The following ITGBL1 variants were observed in gnomAD, a reference collection of about 807,000 sequenced individuals.
ITGBL1 encodes integrin subunit beta like 1, also known as integrin beta-like protein 1.
ITGBL1 carries 51 observed loss-of-function variants against 68.5 expected under a neutral mutation model. That is an observed-to-expected ratio of 0.74 (90% CI 0.59 to 0.94). The LOEUF is 0.94. ITGBL1 is among the 40% of genes least tolerant of loss of function. The probability of loss-of-function intolerance (pLI) is 0.00; values close to 1 mark genes in which losing one functional copy is unlikely to be tolerated. For missense variants in ITGBL1, 649 were observed against 647.4 expected (o/e 1.00, Z -0.03); for synonymous variants, 209 against 227.3 (o/e 0.92, Z 0.72).
chr13:101,583,130 A>G, intron 5 of ITGBL1, 86 bp from the exon 6 acceptor site: 1 of 1,364,506 alleles, frequency 7.3e-7, no homozygotes, highest in South Asian at 1.2e-5. Context: ...ACACAAAGTA[A>G]ACAGAAAATA....
At chr13:101,461,243 A>G (rs2048313592) in intron 2 of ITGBL1, among the ~76,000 whole-genome samples, 1 of 152,194 alleles carries the variant, frequency 6.6e-6, no homozygotes, top group South Asian at 2.1e-4. Flanking sequence ...CAGAGTCTTC[A>G]ATATATTTTG....
intron 7 of ITGBL1, among the ~76,000 whole-genome samples, chr13:101,615,897 G>C (rs1480195252): frequency 2.0e-5 from 3 of 152,198 alleles, no homozygotes; most frequent in Admixed American, 6.5e-5. Flanking sequence ...CCATCTATGT[G>C]TAGGAAGCAG....
chr13:101,664,756 T>A (rs2033172877), intron 7 of ITGBL1, among the ~76,000 whole-genome samples: 1 of 152,184 alleles, frequency 6.6e-6, no homozygotes, highest in African/African-American at 2.4e-5. Flanking sequence ...TTTTGTGAGA[T>A]GAAATCTCAC....
At chr13:101,635,978 C>A (rs1297346937) in intron 7 of ITGBL1, among the ~76,000 whole-genome samples, 1 of 151,954 alleles carries the variant, frequency 6.6e-6, no homozygotes, top group African/African-American at 2.4e-5. Context: ...GACTTAATTT[C>A]CAATTAACTA....
chr13:101,617,908 G>T (rs748460157), intron 7 of ITGBL1, among the ~76,000 whole-genome samples: 4 of 152,100 alleles, frequency 2.6e-5, no homozygotes, highest in Non-Finnish European at 4.4e-5. Context: ...AGTAACAGTG[G>T]TTTGTTGATA....
chr13:101,637,325 A>G (rs555716697), intron 7 of ITGBL1, among the ~76,000 whole-genome samples: 20 of 151,572 alleles, frequency 1.3e-4, no homozygotes, highest in African/African-American at 4.9e-4. Flanking sequence ...AACAAAGTCA[A>G]AATGATTGGA....
chr13:101,561,956 ATAAC>A (rs1364406428), intron 2 of ITGBL1, among the ~76,000 whole-genome samples: 1 of 152,210 alleles, frequency 6.6e-6, no homozygotes, highest in African/African-American at 2.4e-5. Flanking sequence ...TGCTCTAAAA[ATAAC>A]TGACTGTCTA....
At chr13:101,565,115 C>A (rs997162137) in intron 2 of ITGBL1, among the ~76,000 whole-genome samples, 1 of 151,866 alleles carries the variant, frequency 6.6e-6, no homozygotes. Context: ...TTTTAAGCCA[C>A]CAAGTTTGTG....
chr13:101,678,404 T>G (rs2139520694), intron 7 of ITGBL1, among the ~76,000 whole-genome samples: 1 of 152,344 alleles, frequency 6.6e-6, no homozygotes, highest in East Asian at 1.9e-4. Flanking sequence ...GTTGTTCAAT[T>G]TGTAAAATAT....
intron 7 of ITGBL1, among the ~76,000 whole-genome samples, chr13:101,652,062 G>T (rs998200097): frequency 2.0e-5 from 3 of 151,826 alleles, no homozygotes; most frequent in African/African-American, 4.8e-5. Context: ...ATGCTGTTTT[G>T]GTTACCATGT....
At chr13:101,498,198 G>C (rs2048886365) in intron 2 of ITGBL1, among the ~76,000 whole-genome samples, 1 of 151,810 alleles carries the variant, frequency 6.6e-6, no homozygotes, top group African/African-American at 2.4e-5. Context: ...GCTTCTATTG[G>C]GAGTTGTCTC....
chr13:101,497,117 T>TA (rs1463017825), intron 2 of ITGBL1, among the ~76,000 whole-genome samples: 2 of 152,192 alleles, frequency 1.3e-5, no homozygotes, highest in Non-Finnish European at 2.9e-5. Context: ...GAGTTGTCCT[T>TA]ACAGGATGAG....
intron 7 of ITGBL1, among the ~76,000 whole-genome samples, chr13:101,641,980 G>A (rs377391977): frequency 6.6e-6 from 1 of 151,980 alleles, no homozygotes; most frequent in Non-Finnish European, 1.5e-5. Flanking sequence ...CATTTGGGTT[G>A]GTTCCAAGTC....
chr13:101,456,987 T>A (rs2139613574), intron 2 of ITGBL1, among the ~76,000 whole-genome samples: 1 of 152,336 alleles, frequency 6.6e-6, no homozygotes, highest in South Asian at 2.1e-4. Context: ...AATAGCTGTA[T>A]GAACTTGGGC....
At chr13:101,552,537 TC>T (rs2049938187) in intron 2 of ITGBL1, among the ~76,000 whole-genome samples, 1 of 152,208 alleles carries the variant, frequency 6.6e-6, no homozygotes, top group Admixed American at 6.5e-5. Context: ...TGCCTTCAAG[TC>T]CTTCTATTGG....
chr13:101,507,190 T>C (rs781002949), intron 2 of ITGBL1, among the ~76,000 whole-genome samples: 1 of 152,154 alleles, frequency 6.6e-6, no homozygotes, highest in East Asian at 1.9e-4. Flanking sequence ...TCCTCATTCA[T>C]CTATTGAGAA....
At chr13:101,675,590 AATG>A (rs1254849377) in intron 7 of ITGBL1, among the ~76,000 whole-genome samples, 1 of 152,200 alleles carries the variant, frequency 6.6e-6, no homozygotes, top group Non-Finnish European at 1.5e-5. Flanking sequence ...GGGTCACCTT[AATG>A]ATCTCCTTTA....
intron 1 of ITGBL1, among the ~76,000 whole-genome samples, chr13:101,453,619 A>G (rs1393017578): frequency 6.6e-6 from 1 of 152,206 alleles, no homozygotes; most frequent in Non-Finnish European, 1.5e-5. Context: ...GTCCACCTGG[A>G]GGAAGGACCT....
intron 8 of ITGBL1, among the ~76,000 whole-genome samples, chr13:101,701,496 G>T (rs1251158466): frequency 3.3e-5 from 5 of 151,942 alleles, no homozygotes; most frequent in African/African-American, 4.8e-5. Context: ...TTGCCACTGC[G>T]CTCCAGCCTG....
Sources: gnomAD v4.1 joint callset for allele counts (sites outside exome capture counted in the v4.1 genomes callset) on GRCh38, gnomAD v4.1.1 for gene constraint, MANE v1.5 for transcripts, NCBI Gene and HGNC (gene_info 2026-07-23, HGNC 2026-07-21) for gene names.